The following AMMECR1 variants were observed in gnomAD, a reference collection of about 807,000 sequenced individuals.
AMMECR1 encodes the protein nuclear protein AMMECR1.
AMMECR1 carries 3 observed loss-of-function variants against 22.5 expected under a neutral mutation model. That is an observed-to-expected ratio of 0.13 (90% CI 0.06 to 0.35). AMMECR1 has a LOEUF of 0.35. Among genes scored for constraint, AMMECR1 ranks in the 10% least tolerant of loss-of-function variants. The probability of loss-of-function intolerance (pLI) is 1.00; values close to 1 mark genes in which losing one functional copy is unlikely to be tolerated. For missense variants in AMMECR1, 235 were observed against 278.7 expected, an observed-to-expected ratio of 0.84 and a Z score of 1.12; for synonymous variants, 130 against 116.7, an observed-to-expected ratio of 1.11 and a Z score of -0.74.
chrX:110,309,930 A>T (rs1481939904), intron 1 of AMMECR1, among the ~76,000 whole-genome samples: 1 of 112,798 alleles, frequency 8.9e-6, no homozygotes, highest in Non-Finnish European at 1.9e-5. Context: ...ACATAAGGAA[A>T]TAAAAGGATC....
chrX:110,291,552 A>G (rs2067909242), intron 1 of AMMECR1, among the ~76,000 whole-genome samples: 1 of 110,529 alleles, frequency 9.0e-6, no homozygotes, highest in South Asian at 3.9e-4. Context: ...CAAAATATAC[A>G]AGACCTAAGG....
At chrX:110,406,828 T>C (rs1278107505) in intron 2 of AMMECR1, among the ~76,000 whole-genome samples, 3 of 112,396 alleles carry the variant, frequency 2.7e-5, no homozygotes, top group Non-Finnish European at 5.6e-5. Context: ...AAATATTGAC[T>C]GATTGATGAA....
intron 1 of AMMECR1, among the ~76,000 whole-genome samples, chrX:110,435,109 G>C (rs1455945193): frequency 1.2e-5 from 1 of 80,092 alleles, no homozygotes; most frequent in Non-Finnish European, 2.5e-5. Context: ...GAGGGAGGGG[G>C]GAGGAGGAAG....
chrX:110,355,034 C>G (rs191856483), intron 2 of AMMECR1, among the ~76,000 whole-genome samples: 2 of 112,238 alleles, frequency 1.8e-5, no homozygotes, highest in East Asian at 5.6e-4. Context: ...TTTTGCACAG[C>G]AGATGAAACA....
intron 2 of AMMECR1, chrX:110,219,284 C>G (rs1221748801): frequency 3.1e-6 from 2 of 645,826 alleles, no homozygotes; most frequent in Non-Finnish European, 3.7e-6. Context: ...CCAGTTTCTC[C>G]ACATCCACAC....
At chrX:110,281,364 GC>G (rs1306165767) in intron 1 of AMMECR1, among the ~76,000 whole-genome samples, 1 of 112,237 alleles carries the variant, frequency 8.9e-6, no homozygotes, top group Non-Finnish European at 1.9e-5. Context: ...TAAGGAGGCT[GC>G]TTTTTATGCT....
chrX:110,198,101 C>G lies in AMMECR1; in HGVS notation c.*419G>C, dbSNP rs968890592. ...CTAAGTAAAATCCCTAAAAACTGCA[C>G]ACTTTCTTCCATCCACAGTCAAAGG... On this transcript the variant is annotated 3_prime_UTR_variant, in exon 6 of 6. Transcript: ENST00000262844. 8.9e-6 allele frequency: 1 copy of G among 112,215 alleles called. No homozygotes were observed. The highest frequency in any genetic ancestry group is 9.6e-5 in the Admixed American group (1 of 10,389). The allele number at this position is 112,215 out of a possible 1,213,427, so 9.2% of individuals were successfully genotyped here. A position where few individuals can be genotyped will look rare whatever the true frequency, so the allele number is the denominator to read the frequency against.
intron 1 of AMMECR1, among the ~76,000 whole-genome samples, chrX:110,290,107 G>A (rs1351151406): frequency 9.0e-6 from 1 of 111,374 alleles, no homozygotes; most frequent in Non-Finnish European, 1.9e-5. Flanking sequence ...TGTTGATTTG[G>A]TTACAAAAAA....
intron 2 of AMMECR1, among the ~76,000 whole-genome samples, chrX:110,217,530 C>T (rs750869800): frequency 5.5e-5 from 6 of 109,442 alleles, no homozygotes; most frequent in Non-Finnish European, 9.5e-5. Flanking sequence ...CACACACACA[C>T]ACACACACAC....
chrX:110,231,269 C>A (rs1212591072), intron 2 of AMMECR1, among the ~76,000 whole-genome samples: 1 of 112,055 alleles, frequency 8.9e-6, no homozygotes, highest in Non-Finnish European at 1.9e-5. Flanking sequence ...GTGTTAAGGG[C>A]AGCCAGAGAG....
intron 2 of AMMECR1, among the ~76,000 whole-genome samples, chrX:110,390,576 T>C (rs2068487878): frequency 9.0e-6 from 1 of 111,408 alleles, no homozygotes; most frequent in East Asian, 2.8e-4. Context: ...TCCACTACTG[T>C]AGATCCAAAA....
At chrX:110,434,016 G>A (rs1392322792) in intron 1 of AMMECR1, among the ~76,000 whole-genome samples, 1 of 111,474 alleles carries the variant, frequency 9.0e-6, no homozygotes, top group African/African-American at 3.3e-5. Context: ...GTAGAGGAAC[G>A]TATCTGGGGA....
At chrX:110,256,153 T>C (rs1041564886) in intron 2 of AMMECR1, among the ~76,000 whole-genome samples, 37 of 112,037 alleles carry the variant, frequency 3.3e-4, no homozygotes, top group African/African-American at 1.2e-3. Context: ...GGCTATATGA[T>C]ATAGCCTATT....
intron 2 of AMMECR1, among the ~76,000 whole-genome samples, chrX:110,217,734 C>T (rs2067481125): frequency 9.0e-6 from 1 of 111,246 alleles, no homozygotes; most frequent in South Asian, 3.7e-4. Flanking sequence ...ACTCTACAAA[C>T]TGCTTGGGTC....
rs1045497998 is a variant in AMMECR1 at position 110,372,073 on chromosome X, C to T, written c.-147-54224G>A. 2.7e-5 allele frequency among the ~76,000 whole-genome samples: 3 copies of T among 111,417 alleles called. No homozygotes were observed. The East Asian group carries it at 8.4e-4, about 31-fold the overall frequency. On this transcript the variant is annotated intron_variant, in intron 2 of 7. Transcript: ENST00000372057. ...TGTGGTGCATTCCTAGATATCACTC[C>T]CTTTGAGAAAGTTAGCTATTCCCCC...
At chrX:110,306,738 G>A (rs750025754) in intron 1 of AMMECR1, 1 of 111,803 alleles carries the variant, frequency 8.9e-6, no homozygotes, top group South Asian at 3.8e-4. Flanking sequence ...GATCACAGGC[G>A]TGAGCCACCG....
chrX:110,409,175 G>A (rs776118256), intron 2 of AMMECR1, among the ~76,000 whole-genome samples: 3 of 111,213 alleles, frequency 2.7e-5, no homozygotes, highest in African/African-American at 9.8e-5. Flanking sequence ...TATAAAACTG[G>A]CAGGAGATGG....
At chrX:110,408,013 C>T (rs1046901853) in intron 2 of AMMECR1, among the ~76,000 whole-genome samples, 3 of 112,284 alleles carry the variant, frequency 2.7e-5, no homozygotes, top group East Asian at 5.6e-4. Flanking sequence ...TGGCATATGC[C>T]GCAAAATGCA....
chrX:110,275,761 C>T (rs1490744724), intron 1 of AMMECR1, among the ~76,000 whole-genome samples: 2 of 110,911 alleles, frequency 1.8e-5, no homozygotes, highest in Non-Finnish European at 3.8e-5. Context: ...ACCCAGGGTG[C>T]GGAGGTTGTG....
Sources: gnomAD v4.1 joint callset for allele counts (sites outside exome capture counted in the v4.1 genomes callset) on GRCh38, gnomAD v4.1.1 for gene constraint, MANE v1.5 for transcripts, NCBI Gene and HGNC (gene_info 2026-07-23, HGNC 2026-07-21) for gene names.